Variants in RPH3A observed in about 807,000 individuals in gnomAD.
RPH3A encodes rabphilin 3A.
In RPH3A, 48 loss-of-function variants were observed where a neutral mutation model predicts 102.2. The ratio of observed to expected loss-of-function variants is 0.47; its 90% CI spans 0.37 to 0.60. The LOEUF (loss-of-function observed/expected upper bound fraction) is 0.60, where lower values mean the gene tolerates loss of function less well. Ranked by LOEUF, RPH3A falls within the 20% of genes least tolerant of loss-of-function variation. The pLI, the probability that RPH3A is intolerant of heterozygous loss-of-function variation, is 0.00. For missense variants in RPH3A, 781 were observed against 910.1 expected, an observed-to-expected ratio of 0.86 and a Z score of 1.83; for synonymous variants, 310 against 324.3, an observed-to-expected ratio of 0.96 and a Z score of 0.47.
At chr12:112,814,921 C>T (rs934360753) in intron 2 of RPH3A, among the ~76,000 whole-genome samples, 17 of 152,222 alleles carry the variant, frequency 1.1e-4, no homozygotes, top group African/African-American at 3.9e-4. Context: ...GCTGGGACTC[C>T]AAGTGTGGCG....
intron 19 of RPH3A, chr12:112,894,372 G>T: frequency 5.0e-6 from 3 of 595,538 alleles, no homozygotes; most frequent in South Asian, 2.2e-5. Context: ...ACTGCCTAGG[G>T]TCATGTGGGG....
intron 1 of RPH3A, among the ~76,000 whole-genome samples, chr12:112,755,328 CACACACACACAT>C (rs1012816896): frequency 4.0e-5 from 6 of 148,406 alleles, no homozygotes; most frequent in East Asian, 1.9e-4. Context: ...CACACACACA[CACACACACACAT>C]ACATATGCAT....
chr12:112,841,302 A>AG (rs1378939769), intron 4 of RPH3A, among the ~76,000 whole-genome samples: 1 of 151,384 alleles, frequency 6.6e-6, no homozygotes, highest in Non-Finnish European at 1.5e-5. Context: ...AGTTAAGATG[A>AG]GGGGGGCAGG....
rs2041001409 is a variant in RPH3A, at chr12:112,780,625, G to T, written c.-139-11518G>T. On this transcript the variant is annotated intron_variant, in intron 1 of 21. Transcript: ENST00000543106. ...GGCATTTGTTGAACACATGCTATTT[G>T]CTGAGCTCCATATGGGCCGTTTCAT... 2.0e-5 allele frequency among the ~76,000 whole-genome samples: 3 copies of T among 152,094 alleles called. No homozygotes were observed. The South Asian group carries it at 6.2e-4, about 32-fold the overall frequency.
rs572483343 is a variant in RPH3A at position 112,737,662 on chromosome 12, G to A, written c.-139-54481G>A. On this transcript the variant is annotated intron_variant, in intron 1 of 21. Transcript: ENST00000543106. Reference sequence around the variant, plus strand: ...CAGGCAGCCACCACTAATCAATTACGGTATGAACACTGTTTGCATCATTAT... The same window carrying A: ...CAGGCAGCCACCACTAATCAATTACAGTATGAACACTGTTTGCATCATTAT... Among the ~76,000 whole-genome samples the A allele has an allele frequency of 1.2e-4, 18 of 152,142 alleles. No individual in the cohort carries two copies. In the South Asian group the frequency reaches 2.1e-3, roughly 18 times the overall value.
chr12:112,811,615 A>C (rs2041577819), intron 2 of RPH3A, among the ~76,000 whole-genome samples: 1 of 151,480 alleles, frequency 6.6e-6, no homozygotes, highest in Admixed American at 6.6e-5. Flanking sequence ...TTCAGCTAGG[A>C]GCATGCATGT....
chr12:112,619,472 G>A (rs1592910459), intron 1 of RPH3A, among the ~76,000 whole-genome samples: 1 of 151,988 alleles, frequency 6.6e-6, no homozygotes, highest in East Asian at 1.9e-4. Context: ...TAGTAGAGAT[G>A]GGGTTTCACC....
At chr12:112,690,262 G>C (rs1364540000) in intron 1 of RPH3A, among the ~76,000 whole-genome samples, 1 of 152,168 alleles carries the variant, frequency 6.6e-6, no homozygotes, top group Non-Finnish European at 1.5e-5. Flanking sequence ...AATTTTCTTT[G>C]TGCATGTTAG....
At chr12:112,698,855 TCCTTCCCCTTCC>T (rs575847434) in intron 1 of RPH3A, among the ~76,000 whole-genome samples, 5 of 149,218 alleles carry the variant, frequency 3.4e-5, no homozygotes, top group South Asian at 2.1e-4. Context: ...CTTCTCCTTC[TCCTTCCCCTTCC>T]CCTTCCCCTT....
intron 5 of RPH3A, among the ~76,000 whole-genome samples, chr12:112,853,548 G>T (rs1440779813): frequency 1.3e-5 from 2 of 152,300 alleles, no homozygotes; most frequent in East Asian, 3.9e-4. Flanking sequence ...TGAAAATATG[G>T]TTGGGCATAG....
At chr12:112,864,860 A>G (rs2042580822) in intron 5 of RPH3A, among the ~76,000 whole-genome samples, 1 of 152,110 alleles carries the variant, frequency 6.6e-6, no homozygotes, top group South Asian at 2.1e-4. Flanking sequence ...GAGCCAAAGA[A>G]TTCGGTTGGG....
rs1025290382 is a variant in RPH3A at position 112,636,130 on chromosome 12, G to A, written c.-140+60811G>A. Among the ~76,000 whole-genome samples, 78 of 152,166 alleles carry A rather than the reference G, an allele frequency of 5.1e-4. 4 individuals are homozygous for A. Among genetic ancestry groups the A allele is most frequent in the Non-Finnish European group, 1.0e-4 (7 of 68,034 alleles). On this transcript the variant is annotated intron_variant, in intron 1 of 21. Coordinates refer to the RPH3A transcript ENST00000543106. ...ACAATGGCCAAGCTCTTTCTATCTT[G>A]TTGCTTAGCACTTGAAACATTTGAC...
intron 1 of RPH3A, among the ~76,000 whole-genome samples, chr12:112,630,781 A>G (rs2039798425): frequency 6.6e-6 from 1 of 152,132 alleles, no homozygotes; most frequent in African/African-American, 2.4e-5. Flanking sequence ...TGGGCTGGGC[A>G]CTGTTCTAGG....
intron 2 of RPH3A, among the ~76,000 whole-genome samples, chr12:112,807,494 G>A (rs748711074): frequency 2.3e-4 from 35 of 152,164 alleles, no homozygotes; most frequent in Admixed American, 5.9e-4. Context: ...CTGTGTTCAG[G>A]TTCCAGCTCT....
At chr12:112,576,676 C>T (rs1224917393) in intron 1 of RPH3A, among the ~76,000 whole-genome samples, 2 of 152,038 alleles carry the variant, frequency 1.3e-5, no homozygotes, top group Admixed American at 1.3e-4. Context: ...TTTTCACGCC[C>T]CTGAAGCTCA....
intron 2 of RPH3A, among the ~76,000 whole-genome samples, chr12:112,797,499 G>T (rs188417200): frequency 8.3e-4 from 126 of 152,218 alleles, no homozygotes; most frequent in Admixed American, 7.1e-3. Flanking sequence ...TCCCACAGGA[G>T]TGTGACCTGG....
intron 1 of RPH3A, among the ~76,000 whole-genome samples, chr12:112,720,736 C>T (rs2040544909): frequency 6.6e-6 from 1 of 152,208 alleles, no homozygotes; most frequent in Non-Finnish European, 1.5e-5. Flanking sequence ...ACTGTGCAAG[C>T]ATATTCCAAT....
chr12:112,730,220 G>A (rs776761935), intron 1 of RPH3A, among the ~76,000 whole-genome samples: 7 of 152,220 alleles, frequency 4.6e-5, no homozygotes, highest in East Asian at 1.9e-4. Context: ...TTTCTGTTGC[G>A]TAAGCCACCC....
chr12:112,640,283 C>A (rs2039878473), intron 1 of RPH3A, among the ~76,000 whole-genome samples: 1 of 131,240 alleles, frequency 7.6e-6, no homozygotes, highest in African/African-American at 2.9e-5. Flanking sequence ...CGAGATAGCA[C>A]CATTGCACTC....
Sources: allele counts gnomAD v4.1 joint callset (sites outside exome capture counted in the v4.1 genomes callset), GRCh38; gene constraint gnomAD v4.1.1; transcripts MANE v1.5; gene names NCBI Gene and HGNC (gene_info 2026-07-23, HGNC 2026-07-21).